The following CARM1 variants were observed in gnomAD, a reference collection of about 807,000 sequenced individuals.
CARM1 encodes the protein coactivator associated arginine methyltransferase 1, also known as histone-arginine methyltransferase CARM1.
A neutral mutation model predicts 72.7 loss-of-function variants in CARM1; 14 were observed. The observed-to-expected ratio is 0.19, with a 90% CI of 0.13 to 0.30. CARM1 has a LOEUF of 0.30. Among genes scored for constraint, CARM1 ranks in the 10% least tolerant of loss-of-function variants. The pLI is 1.00. For missense variants in CARM1, 432 were observed against 833.7 expected (o/e 0.52, Z 5.93); for synonymous variants, 333 against 345.5 (o/e 0.96, Z 0.40).
chr19:10,922,450 AG>A lies in CARM1; in HGVS notation c.*694del, dbSNP rs1431568947. The A allele has an allele frequency of 6.7e-6, 1 of 149,038 alleles. No individual in the cohort carries two copies. The highest frequency in any genetic ancestry group is 2.5e-5 in the African/African-American group (1 of 40,470). The allele number at this position is 149,038 out of a possible 1,614,324, so 9.2% of individuals were successfully genotyped here. ...GCCTCTTGCTGCTGTCCTGTCCCCG[AG>A]CCCCTGCAGGTCCCCCCCCGCCCCC... On this transcript the variant is annotated 3_prime_UTR_variant, in exon 16 of 16. Coordinates refer to ENST00000327064, the MANE Select transcript of CARM1 (RefSeq NM_199141.2).
intron 5 of CARM1, 53 bp from the exon 6 acceptor site, chr19:10,913,824 G>A (rs2074173503): frequency 6.4e-7 from 1 of 1,569,848 alleles, no homozygotes. Context: ...GTCTAGGGAG[G>A]GCCCCATGGC....
At chr19:10,917,851 C>T (rs974319603) in intron 8 of CARM1, among the ~76,000 whole-genome samples, 1 of 151,560 alleles carries the variant, frequency 6.6e-6, no homozygotes, top group African/African-American at 2.4e-5. Context: ...GCTGGGAGTA[C>T]AGGCGCTTGC....
intron 1 of CARM1, among the ~76,000 whole-genome samples, chr19:10,891,580 C>G (rs1330389108): frequency 6.6e-6 from 1 of 152,224 alleles, no homozygotes; most frequent in Non-Finnish European, 1.5e-5. Context: ...TGTTCCCACT[C>G]CCCTCCCCCA....
intron 1 of CARM1, among the ~76,000 whole-genome samples, chr19:10,874,329 G>A (rs760305885): frequency 5.3e-5 from 8 of 150,702 alleles, no homozygotes; most frequent in Non-Finnish European, 1.0e-4. Context: ...ATATCCTTAG[G>A]GTTCTGAAAT....
At position 10,921,719 on chromosome 19, in the gene CARM1, A is replaced by T; in HGVS notation, c.1789A>T (p.Met597Leu). The change falls in exon 16 of 16, where the codon ATG becomes TTG. Residue 597 changes from methionine (M) to leucine (L), a missense_variant. Met to Leu is a conservative substitution (Grantham distance 15, BLOSUM62 2). Around this residue, in one of 3 missense-constraint regions of CARM1, gnomAD observed 142 missense variants for 188.7 expected, o/e 0.75. Transcript: ENST00000327064. The stretch of plus-strand genomic sequence containing the variant: ...CCCCGCCATCTCCATGGCGTCGCCC[A>T]TGTCCATCCCGACCAACACCATGCA... ...GGPAISMASP[M>L]SIPTNTMHYG... The T allele has an allele frequency of 6.2e-7, 1 of 1,613,140 alleles. No individual in the cohort carries two copies. Among genetic ancestry groups the T allele is most frequent in the Non-Finnish European group, 8.5e-7 (1 of 1,179,580 alleles).
rs1438601109 is a variant in CARM1 at position 10,916,911 on chromosome 19, C to T, written c.1020+134C>T. The T allele has an allele frequency of 3.1e-6, 2 of 638,740 alleles. No homozygotes were observed. 39.6% of individuals were successfully genotyped at this position (638,740 alleles called of 1,614,324 possible). On this transcript the variant is annotated intron_variant, in intron 8 of 15. Coordinates refer to ENST00000327064, the MANE Select transcript of CARM1 (RefSeq NM_199141.2). This position sits in a 1 kb window ranked among gnomAD's most constrained non-coding sequence, Gnocchi z 4.4. The stretch of plus-strand genomic sequence containing the variant: ...CACAGCGCTCTCACAGAGATTTGGG[C>T]CAAAAGTGTCAATGCATGTAGACAC...
intron 1 of CARM1, among the ~76,000 whole-genome samples, chr19:10,884,645 C>G (rs1264687766): frequency 6.6e-6 from 1 of 152,066 alleles, no homozygotes; most frequent in African/African-American, 2.4e-5. Flanking sequence ...GGAGTTGGGT[C>G]TGGAGATTCT....
intron 1 of CARM1, among the ~76,000 whole-genome samples, chr19:10,887,337 C>T (rs972717213): frequency 2.0e-5 from 3 of 152,216 alleles, no homozygotes; most frequent in African/African-American, 4.8e-5. Context: ...TGGTTCCTGC[C>T]GTGTGCCTGA....
intron 2 of CARM1, among the ~76,000 whole-genome samples, chr19:10,905,668 C>T (rs2145222474): frequency 6.6e-6 from 1 of 152,226 alleles, no homozygotes; most frequent in Middle Eastern, 3.4e-3. Context: ...GGTGCTGGTG[C>T]GAGGACAGCT....
chr19:10,886,022 C>T (rs1359089223), intron 1 of CARM1, among the ~76,000 whole-genome samples: 1 of 150,962 alleles, frequency 6.6e-6, no homozygotes, highest in East Asian at 1.9e-4. Context: ...GGCAGGTGGC[C>T]CCACACCTGG....
chr19:10,922,478 C>G lies in CARM1; in HGVS notation c.*721C>G, dbSNP rs534901384. On this transcript the variant is annotated 3_prime_UTR_variant, in exon 16 of 16. Coordinates refer to ENST00000327064, the MANE Select transcript of CARM1 (RefSeq NM_199141.2). The stretch of plus-strand genomic sequence containing the variant: ...CCCTGCAGGTCCCCCCCCGCCCCCC[C>G]ACTCAAGAGTTAGAGCAGGTGGCTG... 1.4e-5 allele frequency: 2 copies of G among 147,672 alleles called. No individual in the cohort carries two copies. Among genetic ancestry groups the G allele is most frequent in the African/African-American group, 2.5e-5 (1 of 40,770 alleles). The allele number at this position is 147,672 out of a possible 1,614,324, so 9.1% of individuals were successfully genotyped here.
chr19:10,922,121 T>TG lies in CARM1; in HGVS notation c.*367dup. ...CACCTGTCCCCCTGCCTGTCTCCAG[T>TG]GGGAAGGTAGCCTGGCCAGGCGGGG... On this transcript the variant is annotated 3_prime_UTR_variant, in exon 16 of 16. Transcript: ENST00000327064. 5.4e-6 allele frequency: 1 copy of TG among 183,730 alleles called. No homozygotes were observed. The highest frequency in any genetic ancestry group is 6.2e-5 in the Admixed American group (1 of 16,238). 11.4% of individuals were successfully genotyped at this position (183,730 alleles called of 1,614,324 possible).
In CARM1 at chr19:10,913,399, G is replaced by A. The variant is rs528824584; in HGVS notation, c.670-478G>A. Among the ~76,000 whole-genome samples, 233 of 152,028 alleles carry A rather than the reference G, an allele frequency of 1.5e-3. 3 individuals are homozygous for A. Among genetic ancestry groups the A allele is most frequent in the South Asian group, 8.4e-3 (40 of 4,786 alleles). On this transcript the variant is annotated intron_variant, in intron 5 of 15. Transcript: ENST00000327064. ...CGTGGCAAAACCCCATTAGCCAGGCGTGGTGGTGGGTGCCTGTAGTCCCAG... is the reference window on the plus strand; with the variant it reads ...CGTGGCAAAACCCCATTAGCCAGGCATGGTGGTGGGTGCCTGTAGTCCCAG...
At chr19:10,905,943 T>C (rs74179957) in intron 2 of CARM1, among the ~76,000 whole-genome samples, 3,553 of 100,346 alleles carry the variant, frequency 0.035, 37 homozygotes, top group Middle Eastern at 0.06. Flanking sequence ...GCCCGGCCCC[T>C]TTTTTTTTTT....
chr19:10,905,010 G>A lies in CARM1; in HGVS notation c.280G>A (p.Gly94Ser). 1.9e-6 allele frequency: 3 copies of A among 1,614,180 alleles called. No homozygotes were observed. Among genetic ancestry groups the A allele is most frequent in the Non-Finnish European group, 2.5e-6 (3 of 1,180,012 alleles). Residue 94 changes from glycine (G) to serine (S), a missense_variant, in exon 2 of 16, where the codon GGC (glycine) becomes AGC (serine). By Grantham distance (56) the Gly-to-Ser change is moderately conservative (BLOSUM62 0). Transcript: ENST00000327064. Reference sequence around the variant, plus strand: ...CCGAGAGACAGAGTGCAGCCGTGTGGGCAAGCAGTCCTTCATCATCACCCT... The same window carrying A: ...CCGAGAGACAGAGTGCAGCCGTGTGAGCAAGCAGTCCTTCATCATCACCCT... Reference protein sequence around the residue: ...VSRETECSRVGKQSFIITLGC... With the variant: ...VSRETECSRVSKQSFIITLGC...
chr19:10,905,193 G>A, intron 2 of CARM1, 117 bp downstream of exon 2: 1 of 1,287,812 alleles, frequency 7.8e-7, no homozygotes, highest in Non-Finnish European at 1.1e-6. Context: ...AGGCTCCACT[G>A]CCCTCAAAAC....
chr19:10,883,419 C>A (rs985702291), intron 1 of CARM1, among the ~76,000 whole-genome samples: 7 of 152,196 alleles, frequency 4.6e-5, no homozygotes, highest in Non-Finnish European at 1.0e-4. Flanking sequence ...CTCCGGCACC[C>A]TCTGGATCTG....
Position 10,916,876 on chromosome 19 carries a change from C to G in CARM1, c.1020+99C>G. On this transcript the variant is annotated intron_variant, in intron 8 of 15. Coordinates refer to ENST00000327064, the MANE Select transcript of CARM1 (RefSeq NM_199141.2). The surrounding 1 kb of genome is among the most constrained non-coding windows in gnomAD (Gnocchi z 4.4). ...CTACAGCCCCTCTCTGAGCCCTCTC[C>G]TCTGCCCTGCACAGCGCTCTCACAG... 1.1e-6 allele frequency: 1 copy of G among 872,486 alleles called. No homozygotes were observed. Among genetic ancestry groups the G allele is most frequent in the Non-Finnish European group, 1.8e-6 (1 of 554,146 alleles). 54.0% of individuals were successfully genotyped at this position (872,486 alleles called of 1,614,324 possible).
chr19:10,892,176 A>T (rs189524519), intron 1 of CARM1, among the ~76,000 whole-genome samples: 1 of 152,204 alleles, frequency 6.6e-6, no homozygotes, highest in Admixed American at 6.5e-5. Context: ...TGATTAATTG[A>T]TGGATATTTA....
Sources: allele counts gnomAD v4.1 joint callset (sites outside exome capture counted in the v4.1 genomes callset), GRCh38; gene constraint gnomAD v4.1.1; regional missense constraint gnomAD v4.1.1; non-coding constraint Gnocchi (gnomAD v3.1); transcripts MANE v1.5; gene names NCBI Gene and HGNC (gene_info 2026-07-23, HGNC 2026-07-21).